Variants in AMOTL1 observed in about 807,000 individuals in gnomAD.
AMOTL1 encodes the protein angiomotin like 1.
Under a neutral mutation model 102.9 loss-of-function variants are expected in AMOTL1, and 45 were observed. The ratio of observed to expected loss-of-function variants is 0.44; its 90% CI spans 0.34 to 0.56. The LOEUF is 0.56. Among genes scored for constraint, AMOTL1 ranks in the 20% least tolerant of loss-of-function variants. AMOTL1 has a pLI of 0.01. For missense variants in AMOTL1, 1,114 were observed against 1,225.6 expected (o/e 0.91, Z 1.36); for synonymous variants, 481 against 484.7 (o/e 0.99, Z 0.10).
At chr11:94,791,508 A>G (rs1951285387) in intron 1 of AMOTL1, among the ~76,000 whole-genome samples, 1 of 152,230 alleles carries the variant, frequency 6.6e-6, no homozygotes, top group African/African-American at 2.4e-5. Context: ...AAAGTTACCT[A>G]CAAAGTCCAG....
intron 1 of AMOTL1, among the ~76,000 whole-genome samples, chr11:94,706,899 G>A (rs1949937494): frequency 6.6e-6 from 1 of 152,166 alleles, no homozygotes; most frequent in Admixed American, 6.5e-5. Context: ...GCAACTGTAA[G>A]TGGACTCCTT....
intron 1 of AMOTL1, among the ~76,000 whole-genome samples, chr11:94,784,758 C>A (rs1230173596): frequency 6.6e-6 from 1 of 152,144 alleles, no homozygotes; most frequent in Non-Finnish European, 1.5e-5. Context: ...CAGAGAAGTG[C>A]AAACTTCCCA....
Position 94,709,755 on chromosome 11 carries a change from T to A in AMOTL1, c.-51+3158T>A, listed in dbSNP as rs148528712. 1.6e-3 allele frequency among the ~76,000 whole-genome samples: 250 copies of A among 152,196 alleles called. 1 individual carries two copies. The highest frequency in any genetic ancestry group is 5.6e-3 in the African/African-American group (232 of 41,542). ...CTCAGCCCACTCAGCCCATAGAACATTGAGAGATAATAACAATGTATATTA... is the reference window on the plus strand; with the variant it reads ...CTCAGCCCACTCAGCCCATAGAACAATGAGAGATAATAACAATGTATATTA... On this transcript the variant is annotated intron_variant, in intron 1 of 4. Coordinates refer to the AMOTL1 transcript ENST00000299004.
In AMOTL1 at chr11:94,871,073, T is replaced by A. The variant is rs531499958; in HGVS notation, c.*278T>A. Reference sequence around the variant, plus strand: ...AGAAATAGGAAACTGAATTTTTCATTGTACAGAAAATGTATCTCTTGGGGA... The same window carrying A: ...AGAAATAGGAAACTGAATTTTTCATAGTACAGAAAATGTATCTCTTGGGGA... On this transcript the variant is annotated 3_prime_UTR_variant, in exon 13 of 13. Coordinates refer to ENST00000433060, the MANE Select transcript of AMOTL1 (RefSeq NM_130847.3). 3 of 297,494 alleles carry A rather than the reference T, an allele frequency of 1.0e-5. No individual in the cohort carries two copies. The highest frequency in any genetic ancestry group is 1.8e-4 in the South Asian group (2 of 11,274). The allele number at this position is 297,494 out of a possible 1,614,324, so 18.4% of individuals were successfully genotyped here.
chr11:94,719,033 T>G (rs1950135753), intron 1 of AMOTL1, among the ~76,000 whole-genome samples: 1 of 152,056 alleles, frequency 6.6e-6, no homozygotes, highest in Non-Finnish European at 1.5e-5. Context: ...TTAATTAATT[T>G]TTATATGCTG....
chr11:94,766,796 C>G (rs1262351473), upstream of AMOTL1, among the ~76,000 whole-genome samples: 1 of 152,202 alleles, frequency 6.6e-6, no homozygotes, highest in African/African-American at 2.4e-5. Context: ...ACAGCTATGC[C>G]TGAGCTTCTT....
intron 6 of AMOTL1, among the ~76,000 whole-genome samples, chr11:94,847,552 G>T (rs762038659): frequency 5.3e-5 from 8 of 152,130 alleles, no homozygotes; most frequent in Non-Finnish European, 1.0e-4. Flanking sequence ...ACACTGTGAT[G>T]TAGATGTTAC....
At chr11:94,768,732 C>G (rs1277242085) in intron 1 of AMOTL1, among the ~76,000 whole-genome samples, 172 bp downstream of exon 1, 1 of 152,026 alleles carries the variant, frequency 6.6e-6, no homozygotes, top group Admixed American at 6.5e-5. Context: ...TTGCCCCGCT[C>G]CAGGTCCAGT....
At chr11:94,735,407 C>T (rs1223710511) in intron 2 of AMOTL1, among the ~76,000 whole-genome samples, 1 of 152,222 alleles carries the variant, frequency 6.6e-6, no homozygotes, top group African/African-American at 2.4e-5. Context: ...AACCATACCT[C>T]ATTTACTGAG....
chr11:94,749,961 G>A (rs1950631967), intron 3 of AMOTL1, among the ~76,000 whole-genome samples: 1 of 152,136 alleles, frequency 6.6e-6, no homozygotes, highest in Non-Finnish European at 1.5e-5. Flanking sequence ...CAAATGTAAA[G>A]TTTCCTCCCT....
chr11:94,839,886 C>T (rs955803795), intron 6 of AMOTL1, among the ~76,000 whole-genome samples: 3 of 152,130 alleles, frequency 2.0e-5, no homozygotes, highest in African/African-American at 7.2e-5. Flanking sequence ...TTTAGCCCAG[C>T]GCTGTGACTT....
chr11:94,818,975 C>T (rs936425122), intron 3 of AMOTL1, among the ~76,000 whole-genome samples: 5 of 149,888 alleles, frequency 3.3e-5, no homozygotes, highest in South Asian at 4.3e-4. Flanking sequence ...ATCAATTTTC[C>T]GGGATTGTTC....
intron 1 of AMOTL1, among the ~76,000 whole-genome samples, chr11:94,775,250 C>A (rs1951010121): frequency 6.6e-6 from 1 of 152,140 alleles, no homozygotes; most frequent in Non-Finnish European, 1.5e-5. Flanking sequence ...GTAACGATTG[C>A]ATAGACATAT....
chr11:94,869,343 G>A lies in AMOTL1; in HGVS notation c.2634G>A (p.Gln878=), dbSNP rs751975842. 1.2e-6 allele frequency: 2 copies of A among 1,611,900 alleles called. No homozygotes were observed. The highest frequency in any genetic ancestry group is 1.7e-6 in the Non-Finnish European group (2 of 1,179,096). Residue 878 remains glutamine, a synonymous_variant, in exon 12 of 13, where the codon CAG becomes CAA. Coordinates refer to ENST00000433060, the MANE Select transcript of AMOTL1 (RefSeq NM_130847.3). ...AKTGSKDSST[Q]TDKSAELFWP... is the part of the protein sequence containing the mutation. ...CAGGCAGCAAGGACAGCAGCACACA[G>A]ACTGACAAGAGTGCCGAGCTCTTCT... is the stretch of plus-strand genomic sequence containing the variant.
chr11:94,746,036 T>C (rs1043728395), intron 3 of AMOTL1, among the ~76,000 whole-genome samples: 1 of 151,836 alleles, frequency 6.6e-6, no homozygotes, highest in African/African-American at 2.4e-5. Context: ...CATTCCACCT[T>C]TGAATTTTTA....
chr11:94,746,685 T>C (rs998255312), intron 3 of AMOTL1, among the ~76,000 whole-genome samples: 5 of 152,268 alleles, frequency 3.3e-5, no homozygotes, highest in South Asian at 2.1e-4. Flanking sequence ...CTTTTATAAG[T>C]CCTGAGACCA....
In AMOTL1 at chr11:94,768,430, G is replaced by T. The variant is rs1471509218; in HGVS notation, c.-82G>T. 7 of 1,543,656 alleles carry T rather than the reference G, an allele frequency of 4.5e-6. No homozygotes were observed. The highest frequency in any genetic ancestry group is 2.0e-5 in the Admixed American group (1 of 50,812). ...GGAGGTGAAGCCCTGTGTGAATGGGGTTGATTGTCCGGCGCCACTTCCCCG... is the reference window on the plus strand; with the variant it reads ...GGAGGTGAAGCCCTGTGTGAATGGGTTTGATTGTCCGGCGCCACTTCCCCG... On this transcript the variant is annotated 5_prime_UTR_variant, in exon 1 of 13. Coordinates refer to ENST00000433060, the MANE Select transcript of AMOTL1 (RefSeq NM_130847.3).
At chr11:94,754,099 G>T (rs1950691276) in intron 3 of AMOTL1, among the ~76,000 whole-genome samples, 1 of 152,190 alleles carries the variant, frequency 6.6e-6, no homozygotes, top group African/African-American at 2.4e-5. Context: ...ATTGGAAGGG[G>T]TTAAGTGAGA....
At chr11:94,728,321 C>T (rs998774981) in intron 1 of AMOTL1, among the ~76,000 whole-genome samples, 2 of 151,982 alleles carry the variant, frequency 1.3e-5, no homozygotes, top group African/African-American at 2.4e-5. Context: ...GCCAAGAGCC[C>T]TTGTAACTGT....
Sources: gnomAD v4.1 joint callset for allele counts (sites outside exome capture counted in the v4.1 genomes callset) on GRCh38, gnomAD v4.1.1 for gene constraint, MANE v1.5 for transcripts, NCBI Gene and HGNC (gene_info 2026-07-23, HGNC 2026-07-21) for gene names.